The following GRIN2B variants were observed in gnomAD, a reference collection of about 807,000 sequenced individuals.
GRIN2B encodes glutamate receptor ionotropic, NMDA 2B.
In GRIN2B, 5 loss-of-function variants were observed where a neutral mutation model predicts 114.5. That is an observed-to-expected ratio of 0.04 (90% CI 0.02 to 0.09). The LOEUF is 0.09. Among genes scored for constraint, GRIN2B ranks in the 10% least tolerant of loss-of-function variants. GRIN2B has a pLI of 1.00. For synonymous variants in GRIN2B, 787 were observed against 745.1 expected (o/e 1.06, Z -0.92); for missense variants, 1,108 against 1,943.5 (o/e 0.57, Z 8.08).
intron 3 of GRIN2B, among the ~76,000 whole-genome samples, chr12:13,775,209 C>G (rs1863982248): frequency 6.6e-6 from 1 of 152,124 alleles, no homozygotes; most frequent in East Asian, 1.9e-4. Context: ...GAGACAAGAG[C>G]CTCCTAGATC....
chr12:13,769,111 A>G (rs1032175948), intron 3 of GRIN2B, among the ~76,000 whole-genome samples: 1 of 152,166 alleles, frequency 6.6e-6, no homozygotes, highest in East Asian at 1.9e-4. Flanking sequence ...TTACAGTATC[A>G]TTCTTGGAAT....
At position 13,551,011 on chromosome 12, in the gene GRIN2B, G is replaced by T. The variant is rs957617821; in HGVS notation, c.*11772C>A. The T allele has an allele frequency of 3.4e-5, 5 of 148,164 alleles. No individual in the cohort carries two copies. Among genetic ancestry groups the T allele is most frequent in the Admixed American group, 6.8e-5 (1 of 14,644 alleles). The allele number at this position is 148,164 out of a possible 1,614,324, so 9.2% of individuals were successfully genotyped here. A position where few individuals can be genotyped will look rare whatever the true frequency, so the allele number is the denominator to read the frequency against. On this transcript the variant is annotated 3_prime_UTR_variant, in exon 14 of 14. Transcript: ENST00000609686. ...CTAAATGCATTTATATCAAAGAAAG[G>T]GTGATTTTACTACTTCATGTTTTTC...
intron 10 of GRIN2B, among the ~76,000 whole-genome samples, chr12:13,591,214 G>A (rs2136440822): frequency 6.6e-6 from 1 of 152,276 alleles, no homozygotes; most frequent in African/African-American, 2.4e-5. Context: ...TGAGTGCCTG[G>A]GGCAAGCAGG....
At position 13,616,670 on chromosome 12, in the gene GRIN2B, G is replaced by A. The variant is rs1949446499; in HGVS notation, c.1126-13C>T. The A allele has an allele frequency of 1.2e-6, 2 of 1,601,258 alleles. No homozygotes were observed. Among genetic ancestry groups the A allele is most frequent in the African/African-American group, 2.7e-5 (2 of 74,554 alleles). On this transcript the variant is annotated splice_polypyrimidine_tract_variant and intron_variant, in intron 5 of 13. Coordinates refer to ENST00000609686, the MANE Select transcript of GRIN2B (RefSeq NM_000834.5). The stretch of plus-strand genomic sequence containing the variant: ...TCCACTTCCCCACCTGCACAAGGAT[G>A]AACACAAGAATCAGAAACCACTGGC...
At chr12:13,635,609 C>T (rs1267502623) in intron 5 of GRIN2B, among the ~76,000 whole-genome samples, 1 of 152,188 alleles carries the variant, frequency 6.6e-6, no homozygotes, top group Non-Finnish European at 1.5e-5. Flanking sequence ...AGGTAGAGTA[C>T]AAGCACAGAA....
In GRIN2B at chr12:13,615,724, A is replaced by G; in HGVS notation, c.1329-60T>C. 7.0e-7 allele frequency: 1 copy of G among 1,427,892 alleles called. No individual in the cohort carries two copies. Among genetic ancestry groups the G allele is most frequent in the Non-Finnish European group, 9.9e-7 (1 of 1,010,376 alleles). 88.5% of individuals were successfully genotyped at this position (1,427,892 alleles called of 1,614,324 possible). Reference sequence around the variant, plus strand: ...AAAAGTCTTTGTACAAAAAGCCAACATTTATTACCCTTTGCCATTAAAAAA... The same window carrying G: ...AAAAGTCTTTGTACAAAAAGCCAACGTTTATTACCCTTTGCCATTAAAAAA... On this transcript the variant is annotated intron_variant, in intron 6 of 13. Transcript: ENST00000609686. This position sits in a 1 kb window ranked among gnomAD's most constrained non-coding sequence, Gnocchi z 5.8.
intron 10 of GRIN2B, among the ~76,000 whole-genome samples, chr12:13,583,769 C>T (rs1408421649): frequency 1.3e-5 from 2 of 152,022 alleles, no homozygotes; most frequent in African/African-American, 2.4e-5. Flanking sequence ...AGCACTGGGA[C>T]GTGAGCATGG....
At chr12:13,895,902 G>A (rs1866344756) in intron 2 of GRIN2B, among the ~76,000 whole-genome samples, 1 of 152,056 alleles carries the variant, frequency 6.6e-6, no homozygotes, top group African/African-American at 2.4e-5. Flanking sequence ...ATGGTATGTG[G>A]CAGAGGTTAA....
Position 13,563,487 on chromosome 12 carries a change from G to T in GRIN2B, c.3751C>A (p.Leu1251Met). ...GAGTTGTCCTCACTGATGTCATACAGGTTGCCTGCTTTCTTGCAAGCCTCA... is the reference window on the plus strand; with the variant it reads ...GAGTTGTCCTCACTGATGTCATACATGTTGCCTGCTTTCTTGCAAGCCTCA... ...RCEACKKAGNLYDISEDNSLQ... is the reference protein window; with the variant it reads ...RCEACKKAGNMYDISEDNSLQ... Residue 1251 changes from leucine to methionine, a missense_variant, in exon 14 of 14, where the codon CTG becomes ATG. By Grantham distance (15) the Leu-to-Met change is conservative (BLOSUM62 2). Around this residue, in one of 19 missense-constraint regions of GRIN2B, gnomAD observed 478 missense variants for 506.0 expected, o/e 0.94. Coordinates refer to ENST00000609686, the MANE Select transcript of GRIN2B (RefSeq NM_000834.5). 1 of 1,614,174 alleles carries T rather than the reference G, an allele frequency of 6.2e-7. No homozygotes were observed. Among genetic ancestry groups the T allele is most frequent in the Non-Finnish European group, 8.5e-7 (1 of 1,180,046 alleles).
At chr12:13,844,879 A>G (rs1209681546) in intron 3 of GRIN2B, among the ~76,000 whole-genome samples, 1 of 152,188 alleles carries the variant, frequency 6.6e-6, no homozygotes, top group South Asian at 2.1e-4. Context: ...TGTTATCTTT[A>G]TCTCCTACCT....
intron 3 of GRIN2B, among the ~76,000 whole-genome samples, chr12:13,795,874 T>A (rs541595336): frequency 2.0e-5 from 3 of 151,898 alleles, no homozygotes; most frequent in African/African-American, 7.3e-5. Context: ...TAGGTGGGAA[T>A]TGAACAATGA....
chr12:13,693,048 G>A (rs1169308379), intron 4 of GRIN2B, among the ~76,000 whole-genome samples: 5 of 152,002 alleles, frequency 3.3e-5, no homozygotes, highest in Admixed American at 6.6e-5. Context: ...GATTACAGGC[G>A]TGAGCCACTG....
chr12:13,596,652 A>G (rs1949077259), intron 10 of GRIN2B, among the ~76,000 whole-genome samples: 1 of 152,238 alleles, frequency 6.6e-6, no homozygotes, highest in Admixed American at 6.5e-5. Context: ...ATGACACCCA[A>G]TAATATTCGA....
intron 4 of GRIN2B, among the ~76,000 whole-genome samples, chr12:13,752,750 C>T (rs886231954): frequency 6.6e-6 from 1 of 152,138 alleles, no homozygotes; most frequent in Admixed American, 6.5e-5. Context: ...GAGGAAGAGA[C>T]AAAAACCAAG....
intron 4 of GRIN2B, among the ~76,000 whole-genome samples, chr12:13,726,491 T>C (rs138745952): frequency 0.016 from 2,337 of 148,898 alleles, 66 homozygotes; most frequent in African/African-American, 0.056. Flanking sequence ...GCCAAGATCA[T>C]GCCACTGCAC....
At chr12:13,645,135 C>T (rs1949750575) in intron 5 of GRIN2B, among the ~76,000 whole-genome samples, 1 of 152,104 alleles carries the variant, frequency 6.6e-6, no homozygotes, top group Non-Finnish European at 1.5e-5. Flanking sequence ...CCTCACTAAG[C>T]TTAATCATTT....
chr12:13,626,455 ATTCTCAAATGACAG>A (rs1189604126), intron 5 of GRIN2B, among the ~76,000 whole-genome samples: 81 of 152,178 alleles, frequency 5.3e-4, no homozygotes, highest in Non-Finnish European at 9.6e-4. Context: ...CTCTACCTTT[ATTCTCAAATGACAG>A]TTGTGAGGGT....
chr12:13,664,666 C>A (rs1253553318), intron 5 of GRIN2B, among the ~76,000 whole-genome samples: 1 of 152,006 alleles, frequency 6.6e-6, no homozygotes, highest in Non-Finnish European at 1.5e-5. Flanking sequence ...GAATTTTATT[C>A]CTACTTTTTC....
intron 5 of GRIN2B, among the ~76,000 whole-genome samples, chr12:13,642,200 ACAAAC>A (rs1949724645): frequency 1.5e-5 from 2 of 133,098 alleles, no homozygotes; most frequent in South Asian, 5.5e-4. Context: ...AAACAAACAA[ACAAAC>A]AAACAAACAA....
Sources: gnomAD v4.1 joint callset for allele counts (sites outside exome capture counted in the v4.1 genomes callset) on GRCh38, gnomAD v4.1.1 for gene constraint, gnomAD v4.1.1 regional missense constraint, Gnocchi (gnomAD v3.1) non-coding constraint, MANE v1.5 for transcripts, NCBI Gene and HGNC (gene_info 2026-07-23, HGNC 2026-07-21) for gene names.